The following FARS2 variants were observed in gnomAD, a reference collection of about 807,000 sequenced individuals.
FARS2 encodes the protein phenylalanine--tRNA ligase, mitochondrial.
FARS2 carries 40 observed loss-of-function variants against 46.4 expected under a neutral mutation model. That is an observed-to-expected ratio of 0.86 (90% CI 0.67 to 1.12). FARS2 has a LOEUF of 1.12. Ranked by LOEUF, FARS2 falls within the 50% of genes most tolerant of loss-of-function variation. The pLI is 0.00. For synonymous variants in FARS2, 234 were observed against 214.9 expected (o/e 1.09, Z -0.78); for missense variants, 513 against 567.9 (o/e 0.90, Z 0.98).
intron 6 of FARS2, among the ~76,000 whole-genome samples, chr6:5,719,444 G>GAGAAAGAGAGAAAGAA (rs1561819406): frequency 1.3e-5 from 2 of 149,716 alleles, no homozygotes; most frequent in African/African-American, 4.9e-5. Flanking sequence ...GAAAGAAAGA[G>GAGAAAGAGAGAAAGAA]AGAAAGAGAT....
intron 2 of FARS2, chr6:5,371,301 C>G (rs1260347167): frequency 3.3e-6 from 1 of 299,622 alleles, no homozygotes; most frequent in Non-Finnish European, 4.9e-6. Context: ...GTTTATTCCC[C>G]TATGAATAGG....
At chr6:5,410,402 T>C (rs951098680) in intron 3 of FARS2, among the ~76,000 whole-genome samples, 1 of 152,158 alleles carries the variant, frequency 6.6e-6, no homozygotes, top group Non-Finnish European at 1.5e-5. Flanking sequence ...CCTCAGGTGA[T>C]TCACCCACTT....
chr6:5,751,777 TA>T (rs1320616030), intron 6 of FARS2, among the ~76,000 whole-genome samples: 1 of 152,246 alleles, frequency 6.6e-6, no homozygotes, highest in Non-Finnish European at 1.5e-5. Flanking sequence ...TCCTTCATGA[TA>T]AGCCAATGAG....
chr6:5,584,189 C>T (rs6597147), intron 5 of FARS2, among the ~76,000 whole-genome samples: 122,556 of 150,904 alleles, frequency 0.81, 49,834 homozygotes, highest in East Asian at 0.86. Flanking sequence ...AGTTCCTGCC[C>T]GACAGCATAA....
chr6:5,756,757 G>T (rs1175601451), intron 6 of FARS2, among the ~76,000 whole-genome samples: 2 of 152,128 alleles, frequency 1.3e-5, no homozygotes, highest in Non-Finnish European at 2.9e-5. Context: ...ATCTTATTCT[G>T]CATCACTCTA....
chr6:5,675,725 C>T (rs1262911945), intron 6 of FARS2, among the ~76,000 whole-genome samples: 1 of 152,094 alleles, frequency 6.6e-6, no homozygotes, highest in Non-Finnish European at 1.5e-5. Flanking sequence ...CTGATCTTTA[C>T]CAAATTCAGT....
chr6:5,505,632 G>A (rs1013626463), intron 4 of FARS2, among the ~76,000 whole-genome samples: 8 of 152,130 alleles, frequency 5.3e-5, no homozygotes, highest in Non-Finnish European at 1.2e-4. Context: ...TGATCCCTCC[G>A]TTTGGGGTCC....
intron 6 of FARS2, among the ~76,000 whole-genome samples, chr6:5,663,738 A>C (rs1255743745): frequency 6.6e-6 from 1 of 152,204 alleles, no homozygotes; most frequent in African/African-American, 2.4e-5. Flanking sequence ...CAGTGGGAAG[A>C]GAGATGAAGA....
At chr6:5,744,832 A>G (rs1761547852) in intron 6 of FARS2, among the ~76,000 whole-genome samples, 2 of 152,246 alleles carry the variant, frequency 1.3e-5, no homozygotes, top group South Asian at 4.1e-4. Flanking sequence ...TAGATATAAC[A>G]CACATGCATA....
chr6:5,698,941 C>A (rs1758260246), intron 6 of FARS2, among the ~76,000 whole-genome samples: 1 of 152,222 alleles, frequency 6.6e-6, no homozygotes, highest in Non-Finnish European at 1.5e-5. Context: ...AGCCACACCA[C>A]CTGCGTGTCC....
chr6:5,277,216 T>TC (rs748522924), intron 1 of FARS2, among the ~76,000 whole-genome samples: 2 of 151,892 alleles, frequency 1.3e-5, no homozygotes, highest in Non-Finnish European at 2.9e-5. Context: ...TTTTTTTTTT[T>TC]CTTTTCTTTT....
At chr6:5,539,914 C>T (rs1199024116) in intron 4 of FARS2, among the ~76,000 whole-genome samples, 5 of 152,134 alleles carry the variant, frequency 3.3e-5, no homozygotes, top group East Asian at 1.9e-4. Context: ...CCCTCTGCTC[C>T]GTCTCACCCT....
chr6:5,694,147 TTC>T (rs1158470958), intron 6 of FARS2, among the ~76,000 whole-genome samples: 1 of 152,210 alleles, frequency 6.6e-6, no homozygotes, highest in African/African-American at 2.4e-5. Context: ...ACAAGTTGAG[TTC>T]TCTGGTGAAA....
chr6:5,681,647 C>A (rs1356262496), intron 6 of FARS2, among the ~76,000 whole-genome samples: 3 of 152,208 alleles, frequency 2.0e-5, no homozygotes, highest in African/African-American at 7.2e-5. Context: ...ATAGACAAGC[C>A]CTTTCTTCCC....
At chr6:5,447,112 G>A (rs77691720) in intron 4 of FARS2, among the ~76,000 whole-genome samples, 11,282 of 152,226 alleles carry the variant, frequency 0.074, 607 homozygotes, top group African/African-American at 0.15. Flanking sequence ...TGACCAGATT[G>A]ATATTTGGGT....
chr6:5,696,568 G>A (rs1394526565), intron 6 of FARS2, among the ~76,000 whole-genome samples: 1 of 152,112 alleles, frequency 6.6e-6, no homozygotes, highest in Admixed American at 6.5e-5. Flanking sequence ...AAACAAAGAT[G>A]TATTGAAAGA....
At chr6:5,472,884 G>A (rs1054380598) in intron 4 of FARS2, among the ~76,000 whole-genome samples, 10 of 152,010 alleles carry the variant, frequency 6.6e-5, no homozygotes, top group African/African-American at 2.2e-4. Context: ...ACACACCCCC[G>A]CAACTTTGTT....
Position 5,541,531 on chromosome 6 carries a change from A to G in FARS2, c.905-3649A>G, listed in dbSNP as rs368237741. Among the ~76,000 whole-genome samples, 13 of 152,316 alleles carry G rather than the reference A, an allele frequency of 8.5e-5. 2 individuals are homozygous for G. The highest frequency in any genetic ancestry group is 3.1e-4 in the African/African-American group (13 of 41,564). Reference sequence around the variant, plus strand: ...CTAGAATGTCATGAGAATTGAATTCATATTGTAGATAATCTTTAGTGACTA... The same window carrying G: ...CTAGAATGTCATGAGAATTGAATTCGTATTGTAGATAATCTTTAGTGACTA... On this transcript the variant is annotated intron_variant, in intron 4 of 6. Transcript: ENST00000274680.
At chr6:5,653,842 C>T (rs1777485692) in intron 6 of FARS2, among the ~76,000 whole-genome samples, 1 of 151,994 alleles carries the variant, frequency 6.6e-6, no homozygotes. Flanking sequence ...TGGAGAAGGG[C>T]AGGCTGCATC....
Sources: gnomAD v4.1 joint callset for allele counts (sites outside exome capture counted in the v4.1 genomes callset) on GRCh38, gnomAD v4.1.1 for gene constraint, MANE v1.5 for transcripts, NCBI Gene and HGNC (gene_info 2026-07-23, HGNC 2026-07-21) for gene names.